The following PSMA1 variants were observed in gnomAD, a reference collection of about 807,000 sequenced individuals.
PSMA1 encodes the protein proteasome subunit alpha type-1.
In PSMA1, 3 loss-of-function variants were observed where a neutral mutation model predicts 38.4. That is an observed-to-expected ratio of 0.08 (90% confidence interval 0.04 to 0.20). The LOEUF (loss-of-function observed/expected upper bound fraction) is 0.20. Among genes scored for constraint, PSMA1 ranks in the 10% least tolerant of loss-of-function variants. PSMA1 has a pLI of 1.00. For synonymous variants in PSMA1, 101 were observed against 107.1 expected (o/e 0.94, Z 0.35); for missense variants, 227 against 325.3 (o/e 0.70, Z 2.32).
rs147701304 is a variant in PSMA1, at chr11:14,589,750, A to G, written c.21+21216T>C. 3.3e-3 allele frequency among the ~76,000 whole-genome samples: 501 copies of G among 152,276 alleles called. 2 individuals carry two copies. Among genetic ancestry groups the G allele is most frequent in the Non-Finnish European group, 5.0e-3 (340 of 68,020 alleles). On this transcript the variant is annotated intron_variant, in intron 2 of 10. Coordinates refer to the PSMA1 transcript ENST00000418988. ...TTGGCTTACACAAGCAACAGTACAT[A>G]AAGTAGAAATCTTGAGGCATTCCTG...
Position 14,513,884 on chromosome 11 carries a change from G to T in PSMA1, c.347C>A (p.Thr116Asn). Reference sequence around the variant, plus strand: ...GCCATATCGTTGTGTTGGTATCTGGGTCTCTTAGACTGGTTAACGAGCTTG... The same window carrying T: ...GCCATATCGTTGTGTTGGTATCTGGTTCTCTTAGACTGGTTAACGAGCTTG... The part of the protein sequence containing the change: ...SRLVSLIGSK[T>N]QIPTQRYGRR... Residue 116 changes from threonine (T) to asparagine (N), a missense_variant, in exon 6 of 10, where the codon ACC (threonine) becomes AAC (asparagine). Physicochemically the swap from Thr to Asn is moderately conservative, Grantham distance 65. Coordinates refer to ENST00000396394, the MANE Select transcript of PSMA1 (RefSeq NM_002786.4). 6.3e-7 allele frequency: 1 copy of T among 1,598,252 alleles called. No homozygotes were observed. The highest frequency in any genetic ancestry group is 8.5e-7 in the Non-Finnish European group (1 of 1,175,468).
intron 2 of PSMA1, among the ~76,000 whole-genome samples, chr11:14,596,157 T>C (rs1011559141): frequency 4.6e-5 from 7 of 152,244 alleles, no homozygotes; most frequent in Non-Finnish European, 8.8e-5. Flanking sequence ...GCTTGTAGTA[T>C]AGTTTGAAGT....
chr11:14,533,610 G>T (rs1284727656), intron 2 of PSMA1, among the ~76,000 whole-genome samples: 1 of 149,018 alleles, frequency 6.7e-6, no homozygotes, highest in Non-Finnish European at 1.5e-5. Flanking sequence ...TAGAAACGGG[G>T]TCTCACTATG....
At chr11:14,640,280 G>C (rs1853182967) in intron 1 of PSMA1, among the ~76,000 whole-genome samples, 1 of 152,178 alleles carries the variant, frequency 6.6e-6, no homozygotes, top group Non-Finnish European at 1.5e-5. Context: ...AATGGAACTA[G>C]AAGAATGAGA....
intron 2 of PSMA1, among the ~76,000 whole-genome samples, chr11:14,539,097 G>A (rs2134163494): frequency 6.6e-6 from 1 of 152,230 alleles, no homozygotes; most frequent in Non-Finnish European, 1.5e-5. Flanking sequence ...TTTGTCTGTG[G>A]GAATTTCAAC....
intron 4 of PSMA1, among the ~76,000 whole-genome samples, chr11:14,515,167 G>A (rs1177415217): frequency 6.6e-6 from 1 of 152,188 alleles, no homozygotes; most frequent in Non-Finnish European, 1.5e-5. Flanking sequence ...ATCATCACAT[G>A]GTTGACTACA....
At chr11:14,599,851 C>T (rs189866208) in intron 2 of PSMA1, among the ~76,000 whole-genome samples, 1 of 152,294 alleles carries the variant, frequency 6.6e-6, no homozygotes. Flanking sequence ...AGCTTTTCTG[C>T]TCTGGTTTCT....
chr11:14,571,132 G>A (rs995862062), intron 2 of PSMA1, among the ~76,000 whole-genome samples: 4 of 152,102 alleles, frequency 2.6e-5, no homozygotes, highest in East Asian at 1.9e-4. Flanking sequence ...GCGAGATCGC[G>A]GATCATGGCA....
intron 2 of PSMA1, among the ~76,000 whole-genome samples, chr11:14,552,335 G>A (rs1851895120): frequency 6.6e-6 from 1 of 152,152 alleles, no homozygotes; most frequent in Admixed American, 6.5e-5. Flanking sequence ...CAGTGCCTTG[G>A]CAAGGAATTA....
intron 2 of PSMA1, chr11:14,610,756 A>G (rs147596784): frequency 1.3e-5 from 7 of 555,690 alleles, no homozygotes; most frequent in African/African-American, 9.6e-5. Flanking sequence ...TTTTGTGCCT[A>G]TGACAAGGCT....
At chr11:14,523,568 A>G (rs933053537), upstream of PSMA1, among the ~76,000 whole-genome samples, 1 of 148,592 alleles carries the variant, frequency 6.7e-6, no homozygotes, top group African/African-American at 2.5e-5. Context: ...CACCATACTC[A>G]GCTCCTCAGC....
At chr11:14,582,274 A>T (rs1374242256) in intron 2 of PSMA1, among the ~76,000 whole-genome samples, 3 of 152,164 alleles carry the variant, frequency 2.0e-5, no homozygotes, top group Admixed American at 2.0e-4. Context: ...TACTTCTTAG[A>T]TCGATTTAGA....
intron 1 of PSMA1, among the ~76,000 whole-genome samples, chr11:14,621,552 T>G (rs771828835): frequency 2.0e-5 from 3 of 152,206 alleles, no homozygotes; most frequent in Non-Finnish European, 4.4e-5. Context: ...ATTACAGGCA[T>G]GAGCCACCAC....
At chr11:14,633,681 T>C (rs1230967526) in intron 1 of PSMA1, among the ~76,000 whole-genome samples, 1 of 152,188 alleles carries the variant, frequency 6.6e-6, no homozygotes, top group African/African-American at 2.4e-5. Context: ...TCGAGCTTCC[T>C]GGCTGCTTTG....
At chr11:14,599,398 T>C (rs1852549178) in intron 2 of PSMA1, among the ~76,000 whole-genome samples, 1 of 152,236 alleles carries the variant, frequency 6.6e-6, no homozygotes, top group African/African-American at 2.4e-5. Flanking sequence ...ATGTGGTCTT[T>C]TCACATAGTC....
intron 2 of PSMA1, among the ~76,000 whole-genome samples, chr11:14,574,421 C>A (rs973052777): frequency 6.6e-6 from 1 of 152,212 alleles, no homozygotes; most frequent in Middle Eastern, 3.2e-3. Flanking sequence ...AGCTTTCACA[C>A]GGTGTTAAGC....
At chr11:14,543,404 T>C (rs1474497059) in intron 2 of PSMA1, among the ~76,000 whole-genome samples, 1 of 152,196 alleles carries the variant, frequency 6.6e-6, no homozygotes, top group Non-Finnish European at 1.5e-5. Context: ...AAGATAGCTT[T>C]ATTGAAATAT....
intron 2 of PSMA1, among the ~76,000 whole-genome samples, chr11:14,544,323 C>T (rs186481031): frequency 6.6e-6 from 1 of 152,204 alleles, no homozygotes; most frequent in Admixed American, 6.5e-5. Flanking sequence ...CGTGAGCTAC[C>T]GTGCCCGGCC....
At chr11:14,550,222 A>G (rs771204871) in intron 2 of PSMA1, among the ~76,000 whole-genome samples, 2 of 152,222 alleles carry the variant, frequency 1.3e-5, no homozygotes, top group Non-Finnish European at 2.9e-5. Context: ...CAAAGCTCAA[A>G]GTAAATATAT....
Sources: gnomAD v4.1 joint callset for allele counts (sites outside exome capture counted in the v4.1 genomes callset) on GRCh38, gnomAD v4.1.1 for gene constraint, MANE v1.5 for transcripts, NCBI Gene and HGNC (gene_info 2026-07-23, HGNC 2026-07-21) for gene names.